OR7E24: variants seen among roughly 807,000 people sequenced by gnomAD.
OR7E24 encodes the protein olfactory receptor 7E24.
For missense variants in OR7E24, 385 were observed against 410.3 expected (o/e 0.94, Z 0.53); for synonymous variants, 130 against 157.5 (o/e 0.83, Z 1.31).
At chr19:9,235,460 T>G in the OR7E24 span, 6 of 1,605,996 alleles carry the variant, frequency 3.7e-6, no homozygotes, top group Non-Finnish European at 4.3e-6. Context: ...TTTTAAATGA[T>G]GTTTGCTGGA....
At chr19:9,213,921 C>T in the OR7E24 span, 1 of 1,613,910 alleles carries the variant, frequency 6.2e-7, no homozygotes, top group Admixed American at 1.7e-5. Context: ...GTCGGCCCTG[C>T]TGAGGAGTCT....
At chr19:9,221,246 T>C in the OR7E24 span, among the ~76,000 whole-genome samples, 1 of 144,566 alleles carries the variant, frequency 6.9e-6, no homozygotes, top group Non-Finnish European at 1.5e-5. Context: ...CACTCCAGCC[T>C]GGGTGACAGA....
At chr19:9,211,048 C>T in the OR7E24 span, 1 of 152,270 alleles carries the variant, frequency 6.6e-6, no homozygotes, top group African/African-American at 2.4e-5. Context: ...AGGGAAATCT[C>T]CATGGTCTTG....
At chr19:9,213,814 A>T in the OR7E24 span, 1 of 957,846 alleles carries the variant, frequency 1.0e-6, no homozygotes, top group Non-Finnish European at 1.6e-6. Flanking sequence ...ATTTTTTAAA[A>T]GAGAAAAAGA....
the OR7E24 span, among the ~76,000 whole-genome samples, chr19:9,215,241 G>T: frequency 6.6e-6 from 1 of 151,510 alleles, no homozygotes; most frequent in South Asian, 2.1e-4. Context: ...TACTAAGGAG[G>T]CTGAGGCAGG....
At chr19:9,213,186 A>C in the OR7E24 span, 1 of 152,250 alleles carries the variant, frequency 6.6e-6, no homozygotes, top group African/African-American at 2.4e-5. Flanking sequence ...AGAAAAAACT[A>C]TACTAAGGTG....
chr19:9,226,116 TGCTAG>T, the OR7E24 span, among the ~76,000 whole-genome samples: 8 of 152,356 alleles, frequency 5.3e-5, no homozygotes, highest in African/African-American at 1.9e-4. Context: ...AGCCCTGAAG[TGCTAG>T]GCAGCAGCAT....
chr19:9,228,653 A>G, the OR7E24 span, among the ~76,000 whole-genome samples: 3 of 152,238 alleles, frequency 2.0e-5, no homozygotes, highest in East Asian at 5.8e-4. Flanking sequence ...ACTATTGTTC[A>G]GTCCTCATTT....
upstream of OR7E24, among the ~76,000 whole-genome samples, chr19:9,245,723 C>T (rs1031211666): frequency 1.3e-5 from 2 of 152,168 alleles, no homozygotes; most frequent in Non-Finnish European, 2.9e-5. Flanking sequence ...AGCGCTGTTT[C>T]GGAGAAATCT....
At chr19:9,212,007 C>T in the OR7E24 span, 13 of 152,120 alleles carry the variant, frequency 8.5e-5, no homozygotes. Flanking sequence ...AATGGTCATT[C>T]ACTTTTCTCC....
the OR7E24 span, among the ~76,000 whole-genome samples, chr19:9,239,858 G>GCCCGCCA: frequency 6.6e-6 from 1 of 151,860 alleles, no homozygotes; most frequent in African/African-American, 2.4e-5. Flanking sequence ...ACAGGCACAT[G>GCCCGCCA]CCACAGTGCC....
chr19:9,214,747 A>G, the OR7E24 span: 1 of 1,614,032 alleles, frequency 6.2e-7, no homozygotes, highest in Non-Finnish European at 8.5e-7. Context: ...ATGGACAGGA[A>G]CAGCCCAAAG....
chr19:9,227,005 A>G, the OR7E24 span, among the ~76,000 whole-genome samples: 1 of 152,158 alleles, frequency 6.6e-6, no homozygotes, highest in Non-Finnish European at 1.5e-5. Context: ...TATTAAGCCT[A>G]GTACCCATTA....
chr19:9,229,176 G>C, the OR7E24 span, among the ~76,000 whole-genome samples: 1 of 152,142 alleles, frequency 6.6e-6, no homozygotes, highest in Non-Finnish European at 1.5e-5. Flanking sequence ...AATCTCCAAA[G>C]TTTCTTCAAG....
the OR7E24 span, among the ~76,000 whole-genome samples, chr19:9,239,606 A>G: frequency 5.3e-5 from 8 of 152,064 alleles, no homozygotes; most frequent in East Asian, 1.2e-3. Flanking sequence ...CCTTCTTTCT[A>G]GTAATGTCTA....
chr19:9,215,423 A>G, the OR7E24 span, among the ~76,000 whole-genome samples: 4 of 152,124 alleles, frequency 2.6e-5, no homozygotes, highest in African/African-American at 9.6e-5. Flanking sequence ...TATGAACTTA[A>G]ATCAATTTCT....
At chr19:9,213,933 T>C in the OR7E24 span, 4 of 1,613,972 alleles carry the variant, frequency 2.5e-6, no homozygotes, top group East Asian at 2.2e-5. Flanking sequence ...GAGGAGTCTT[T>C]CCAGGGCCCC....
At chr19:9,225,904 A>G in the OR7E24 span, among the ~76,000 whole-genome samples, 1 of 152,184 alleles carries the variant, frequency 6.6e-6, no homozygotes, top group Non-Finnish European at 1.5e-5. Flanking sequence ...GGAAACACTC[A>G]TCTCTCTTGC....
chr19:9,248,625 G>C (rs1014891806), upstream of OR7E24, among the ~76,000 whole-genome samples: 1 of 152,164 alleles, frequency 6.6e-6, no homozygotes, highest in African/African-American at 2.4e-5. Context: ...GGGCAGCTGA[G>C]ATCACATCAA....
Sources: gnomAD v4.1 joint callset for allele counts (sites outside exome capture counted in the v4.1 genomes callset) on GRCh38, gnomAD v4.1.1 for gene constraint, MANE v1.5 for transcripts, NCBI Gene and HGNC (gene_info 2026-07-23, HGNC 2026-07-21) for gene names.